SPTBN5: variants seen among roughly 807,000 people sequenced by gnomAD.
The protein encoded by SPTBN5 is spectrin beta, non-erythrocytic 5.
Under a neutral mutation model 477.6 loss-of-function variants are expected in SPTBN5, and 513 were observed. The observed-to-expected ratio is 1.07, with a 90% CI of 1.00 to 1.16. The LOEUF (loss-of-function observed/expected upper bound fraction) is 1.16, where lower values mean the gene tolerates loss of function less well. Ranked by LOEUF, SPTBN5 falls within the 50% of genes most tolerant of loss-of-function variation. The pLI, the probability that SPTBN5 is intolerant of heterozygous loss-of-function variation, is 0.00. For missense variants in SPTBN5, 5,062 were observed against 4,731.8 expected, an observed-to-expected ratio of 1.07 and a Z score of -2.05; for synonymous variants, 2,169 against 2,011.7, an observed-to-expected ratio of 1.08 and a Z score of -2.09.
intron 4 of SPTBN5, among the ~76,000 whole-genome samples, chr15:41,889,502 C>T (rs1595517802): frequency 6.6e-6 from 1 of 151,398 alleles, no homozygotes; most frequent in East Asian, 1.9e-4. Flanking sequence ...ATCACACCCT[C>T]AGCATCCTGG....
At chr15:41,878,824 T>C (rs2066840462) in intron 16 of SPTBN5, among the ~76,000 whole-genome samples, 195 bp from the exon 17 acceptor site, 1 of 152,052 alleles carries the variant, frequency 6.6e-6, no homozygotes, top group African/African-American at 2.4e-5. Flanking sequence ...TCCCAGCACT[T>C]TGGGAGGCCG....
In SPTBN5 at chr15:41,848,420, G is replaced by A; in HGVS notation, c.*196C>T. Reference sequence around the variant, plus strand: ...CAGACAGGAATGCAGGGGGAGGCCAGGCAATGGCTGTTTCCTGCCACATGG... The same window carrying A: ...CAGACAGGAATGCAGGGGGAGGCCAAGCAATGGCTGTTTCCTGCCACATGG... On this transcript the variant is annotated 3_prime_UTR_variant, in exon 68 of 68. Coordinates refer to ENST00000320955, the MANE Select transcript of SPTBN5 (RefSeq NM_016642.4). 2 of 659,832 alleles carry A rather than the reference G, an allele frequency of 3.0e-6. No individual in the cohort carries two copies. The highest frequency in any genetic ancestry group is 3.6e-5 in the South Asian group (2 of 55,808). The allele number at this position is 659,832 out of a possible 1,614,324, so 40.9% of individuals were successfully genotyped here. A position where few individuals can be genotyped will look rare whatever the true frequency, so the allele number is the denominator to read the frequency against.
chr15:41,862,214 C>A lies in SPTBN5; in HGVS notation c.7464G>T (p.Arg2488Ser). The A allele has an allele frequency of 6.2e-7, 1 of 1,611,776 alleles. No individual in the cohort carries two copies. Among genetic ancestry groups the A allele is most frequent in the Non-Finnish European group, 8.5e-7 (1 of 1,179,234 alleles). The change falls in exon 44 of 68, where the codon AGG (arginine) becomes AGT (serine). Residue 2488 changes from arginine (R) to serine (S), a missense_variant. Coordinates refer to ENST00000320955, the MANE Select transcript of SPTBN5 (RefSeq NM_016642.4). Reference protein sequence around the residue: ...MLQELLVSAQRLRAQMDTSPA... With the variant: ...MLQELLVSAQSLRAQMDTSPA... ...GGCTCGTGTCCATCTGAGCCCGCAG[C>A]CTCTGGGCGCTGACCAGCAATTCCT...
At chr15:41,854,382 T>C (rs1239057847) in intron 56 of SPTBN5, among the ~76,000 whole-genome samples, 177 bp from the exon 57 acceptor site, 8 of 109,630 alleles carry the variant, frequency 7.3e-5, no homozygotes, top group African/African-American at 2.5e-4. Context: ...CGTGATGATA[T>C]GGGTCTGCGG....
chr15:41,859,109 G>A, intron 47 of SPTBN5, 129 bp from the exon 48 acceptor site: 1 of 645,022 alleles, frequency 1.6e-6, no homozygotes, highest in Non-Finnish European at 2.5e-6. Context: ...AAGGTACATT[G>A]CACTCCCCCT....
intron 66 of SPTBN5, chr15:41,850,285 G>A (rs1332334439): frequency 2.8e-6 from 1 of 351,628 alleles, no homozygotes; most frequent in Non-Finnish European, 5.4e-6. Context: ...GAGAGTCCAG[G>A]GGAACCAGCG....
intron 4 of SPTBN5, 31 bp downstream of exon 4, chr15:41,890,058 C>A (rs2067261450): frequency 6.7e-7 from 1 of 1,494,036 alleles, no homozygotes; most frequent in Non-Finnish European, 9.3e-7. Context: ...GCTGGGTCAC[C>A]AGGTGCTGGG....
At chr15:41,850,559 C>T (rs1567178136) in intron 66 of SPTBN5, 2 of 424,248 alleles carry the variant, frequency 4.7e-6, no homozygotes, top group Non-Finnish European at 8.5e-6. Context: ...AGGATTCTGG[C>T]AGGAAGGGCT....
At chr15:41,863,859 C>T (rs1380025160) in intron 40 of SPTBN5, 41 bp from the exon 41 acceptor site, 4 of 1,612,548 alleles carry the variant, frequency 2.5e-6, no homozygotes, top group Non-Finnish European at 3.4e-6. Context: ...CCTGAGGTGG[C>T]CTTCCACCCC....
rs2271286 is a variant in SPTBN5, at chr15:41,893,284, G to A, written c.214C>T (p.Gln72Ter). 2,036 of 1,613,982 alleles carry A rather than the reference G, an allele frequency of 1.3e-3. 32 individuals carry two copies. The East Asian group carries it at 0.039, about 31-fold the overall frequency. The change falls in exon 2 of 68, where the codon CAG becomes TAG. Residue 72 changes from glutamine to a stop codon, truncating the protein, a stop_gained and splice_region_variant. Coordinates refer to ENST00000320955, the MANE Select transcript of SPTBN5 (RefSeq NM_016642.4). LOFTEE classifies it high-confidence loss of function. ...KWINNVFQCG[Q>*]AGIKIRNLYT... ...GGGTCACAGCTGGCTATACTCACCT[G>A]GCCGCACTGGAAGACGTTATTGATC...
chr15:41,858,798 CT>C (rs761097149), intron 48 of SPTBN5, 50 bp from the exon 49 acceptor site: 87 of 1,579,850 alleles, frequency 5.5e-5, no homozygotes, highest in Middle Eastern at 1.7e-4. Context: ...TCCCCTTCCC[CT>C]GACCTCTGGG....
chr15:41,887,148 G>C (rs936129038), intron 6 of SPTBN5, 65 bp downstream of exon 6: 2 of 1,438,224 alleles, frequency 1.4e-6, no homozygotes, highest in Non-Finnish European at 1.9e-6. Flanking sequence ...GGCAGGGCAG[G>C]CTTCACGCTT....
rs2065862539 is a variant in SPTBN5 at position 41,854,120 on chromosome 15, A to C, written c.9704T>G (p.Met3235Arg). ...GCTGTGGCCTCCGTCCTCCCCCTTC[A>C]TCAGGGCCGTCTTCTCCTGCATCCT... ...QGRMQEKTAL[M>R]KGEDGGHSLS... Residue 3235 changes from methionine to arginine, a missense_variant, in exon 57 of 68, where the codon ATG becomes AGG. Transcript: ENST00000320955. The C allele has an allele frequency of 6.3e-7, 1 of 1,589,756 alleles. No homozygotes were observed. Among genetic ancestry groups the C allele is most frequent in the African/African-American group, 1.3e-5 (1 of 74,478 alleles).
chr15:41,858,644 C>T lies in SPTBN5; in HGVS notation c.8184G>A (p.Ala2728=), dbSNP rs768260539. ...AQLQKQQNFQ[A]ELDASMHQQQ... The stretch of plus-strand genomic sequence containing the variant: ...GTTGGTGCATGCTCGCGTCCAGCTC[C>T]GCCTGGAAATTCTGCTGCTTCTGTA... Residue 2728 remains alanine (A), a synonymous_variant, in exon 49 of 68, where the codon GCG becomes GCA. Transcript: ENST00000320955. 1.2e-5 allele frequency: 20 copies of T among 1,611,458 alleles called. No homozygotes were observed. Among genetic ancestry groups the T allele is most frequent in the Middle Eastern group, 1.6e-4 (1 of 6,070 alleles).
rs754973365 is a variant in SPTBN5 at position 41,870,361 on chromosome 15, A to G, written c.5563-8T>C. On this transcript the variant is annotated splice_polypyrimidine_tract_variant and splice_region_variant and intron_variant, in intron 30 of 67. Coordinates refer to ENST00000320955, the MANE Select transcript of SPTBN5 (RefSeq NM_016642.4). Reference sequence around the variant, plus strand: ...GAGGCTCGTGGCTTTCTCCTGAGGAAGGGAGAATGCCGAGGAGATGAGGGA... The same window carrying G: ...GAGGCTCGTGGCTTTCTCCTGAGGAGGGGAGAATGCCGAGGAGATGAGGGA... 37 of 1,584,952 alleles carry G rather than the reference A, an allele frequency of 2.3e-5. 1 individual carries two copies. The South Asian group carries it at 3.4e-4, about 15-fold the overall frequency.
In SPTBN5 at chr15:41,862,176, C is replaced by A; in HGVS notation, c.7502G>T (p.Ser2501Ile). The A allele has an allele frequency of 6.2e-7, 1 of 1,607,164 alleles. No individual in the cohort carries two copies. Among genetic ancestry groups the A allele is most frequent in the Non-Finnish European group, 8.5e-7 (1 of 1,176,394 alleles). ...AQMDTSPAPR[S>I]PVEARRMLEE... ...TAACATACGCCGGGCTTCCACAGGGCTGCGAGGAGCGGGGCTCGTGTCCAT... is the reference window on the plus strand; with the variant it reads ...TAACATACGCCGGGCTTCCACAGGGATGCGAGGAGCGGGGCTCGTGTCCAT... The change falls in exon 44 of 68, where the codon AGC (serine) becomes ATC (isoleucine). Residue 2501 changes from serine (S) to isoleucine (I), a missense_variant. Coordinates refer to ENST00000320955, the MANE Select transcript of SPTBN5 (RefSeq NM_016642.4).
Position 41,882,401 on chromosome 15 carries a change from G to A in SPTBN5, c.2115C>T (p.Leu705=). The stretch of plus-strand genomic sequence containing the variant: ...GCTGCGTTGGGGGCCTGCGGGCGCT[G>A]AGGTCGCGTCCCCTCCGCACGAGAT... ...CVDLVRRGRD[L]SARRPPTQPD... Residue 705 remains leucine, a synonymous_variant, in exon 11 of 68, where the codon CTC becomes CTT. Transcript: ENST00000320955. 6.5e-7 allele frequency: 1 copy of A among 1,538,868 alleles called. No individual in the cohort carries two copies. Among genetic ancestry groups the A allele is most frequent in the South Asian group, 1.2e-5 (1 of 84,188 alleles).
chr15:41,864,143 C>T, intron 39 of SPTBN5, 119 bp from the exon 40 acceptor site: 1 of 874,252 alleles, frequency 1.1e-6, no homozygotes, highest in Non-Finnish European at 1.7e-6. Context: ...CATATTTGGG[C>T]AGTGGGAAGA....
At chr15:41,871,240 C>A (rs572849503) in intron 29 of SPTBN5, 135 bp downstream of exon 29, 5 of 1,057,874 alleles carry the variant, frequency 4.7e-6, no homozygotes, top group Non-Finnish European at 4.9e-6. Context: ...TGGAGCTAGG[C>A]CCCCTGCAGA....
Sources: gnomAD v4.1 joint callset for allele counts (sites outside exome capture counted in the v4.1 genomes callset) on GRCh38, gnomAD v4.1.1 for gene constraint, MANE v1.5 for transcripts, NCBI Gene and HGNC (gene_info 2026-07-23, HGNC 2026-07-21) for gene names.